SLC38A2: variants seen among roughly 807,000 people sequenced by gnomAD.
SLC38A2 encodes the protein sodium-coupled neutral amino acid symporter 2.
In SLC38A2, 11 loss-of-function variants were observed where a neutral mutation model predicts 61.5. The ratio of observed to expected loss-of-function variants is 0.18; its 90% confidence interval spans 0.11 to 0.30. SLC38A2 has a LOEUF of 0.30. SLC38A2 is among the 10% of genes least tolerant of loss of function. The pLI is 1.00. For synonymous variants in SLC38A2, 217 were observed against 212.5 expected, an observed-to-expected ratio of 1.02 and a Z score of -0.18; for missense variants, 522 against 600.4, an observed-to-expected ratio of 0.87 and a Z score of 1.36.
At position 46,360,835 on chromosome 12, in the gene SLC38A2, G is replaced by A; in HGVS notation, c.*276C>T. On this transcript the variant is annotated 3_prime_UTR_variant, in exon 16 of 16. Transcript: ENST00000256689. ...AAGCATGTGGCTTGATAAAAGTTAAGAGTTTGTCCATTCTCTGGAATGGAA... is the reference window on the plus strand; with the variant it reads ...AAGCATGTGGCTTGATAAAAGTTAAAAGTTTGTCCATTCTCTGGAATGGAA... 1 of 372,470 alleles carries A rather than the reference G, an allele frequency of 2.7e-6. No individual in the cohort carries two copies. The highest frequency in any genetic ancestry group is 4.8e-6 in the Non-Finnish European group (1 of 207,818). The allele number at this position is 372,470 out of a possible 1,614,324, so 23.1% of individuals were successfully genotyped here. A position where few individuals can be genotyped will look rare whatever the true frequency, so the allele number is the denominator to read the frequency against.
rs1943045589 is a variant in SLC38A2, at chr12:46,358,492, T to C, written c.*2619A>G. ...TTTGTACCAAGATTTCATGAAAAAA[T>C]TTGATGTTGTTTATTGCAAATACAA... On this transcript the variant is annotated 3_prime_UTR_variant, in exon 16 of 16. Coordinates refer to ENST00000256689, the MANE Select transcript of SLC38A2 (RefSeq NM_018976.5). 1 of 152,614 alleles carries C rather than the reference T, an allele frequency of 6.6e-6. No homozygotes were observed. Among genetic ancestry groups the C allele is most frequent in the African/African-American group, 2.4e-5 (1 of 41,454 alleles). 9.5% of individuals were successfully genotyped at this position (152,614 alleles called of 1,614,324 possible).
Position 46,372,705 on chromosome 12 carries a change from T to A in SLC38A2, c.-283A>T. The A allele has an allele frequency of 2.5e-6, 1 of 398,478 alleles. No individual in the cohort carries two copies. Among genetic ancestry groups the A allele is most frequent in the Non-Finnish European group, 4.4e-6 (1 of 225,952 alleles). 24.7% of individuals were successfully genotyped at this position (398,478 alleles called of 1,614,324 possible). A position where few individuals can be genotyped will look rare whatever the true frequency, so the allele number is the denominator to read the frequency against. On this transcript the variant is annotated 5_prime_UTR_variant, in exon 1 of 16. Transcript: ENST00000256689. ...TCAAGGGAAAGGCGCGAGCGTGCGG[T>A]AACGCGTGGTCGGGCTGCTGCTAGC...
Position 46,372,518 on chromosome 12 carries a change from C to T in SLC38A2, c.-96G>A. On this transcript the variant is annotated 5_prime_UTR_variant, in exon 1 of 16. Coordinates refer to ENST00000256689, the MANE Select transcript of SLC38A2 (RefSeq NM_018976.5). ...CCCCCGCACGCGTTACCTCGGTGGTCTCTATTCTCACGCAGACGTCTTCAG... is the reference window on the plus strand; with the variant it reads ...CCCCCGCACGCGTTACCTCGGTGGTTTCTATTCTCACGCAGACGTCTTCAG... The T allele has an allele frequency of 2.7e-6, 1 of 374,204 alleles. No homozygotes were observed. The highest frequency in any genetic ancestry group is 4.7e-6 in the Non-Finnish European group (1 of 211,794). The allele number at this position is 374,204 out of a possible 1,614,324, so 23.2% of individuals were successfully genotyped here.
intron 12 of SLC38A2, among the ~76,000 whole-genome samples, 194 bp downstream of exon 12, chr12:46,363,532 T>G (rs1943106081): frequency 6.6e-6 from 1 of 152,078 alleles, no homozygotes; most frequent in Non-Finnish European, 1.5e-5. Context: ...CAAACCTGGA[T>G]TCTAGAAATT....
intron 1 of SLC38A2, among the ~76,000 whole-genome samples, chr12:46,372,147 GC>G (rs1943210458): frequency 6.6e-6 from 1 of 151,968 alleles, no homozygotes; most frequent in African/African-American, 2.4e-5. Flanking sequence ...CACCTCCGCC[GC>G]CCCCAGATTC....
intron 13 of SLC38A2, 136 bp from the exon 14 acceptor site, chr12:46,362,774 G>A: frequency 9.4e-7 from 1 of 1,068,682 alleles, no homozygotes; most frequent in South Asian, 1.7e-5. Context: ...AAATAAAACT[G>A]TGCCTCTTTC....
At chr12:46,371,856 C>T (rs1297601258) in intron 1 of SLC38A2, among the ~76,000 whole-genome samples, 6 of 152,230 alleles carry the variant, frequency 3.9e-5, no homozygotes, top group African/African-American at 1.4e-4. Context: ...GGAGAAATGC[C>T]TCTGCCGCAG....
intron 4 of SLC38A2, among the ~76,000 whole-genome samples, chr12:46,368,042 G>A (rs1319745998): frequency 6.6e-6 from 1 of 152,118 alleles, no homozygotes; most frequent in Non-Finnish European, 1.5e-5. Context: ...GGCTGAGGTG[G>A]GGGTATCACT....
chr12:46,371,314 G>A lies in SLC38A2; in HGVS notation c.-21C>T, dbSNP rs1470177705. ...TTCATGCTAAGCACTGGGAGGAATC[G>A]GGTGCAGCTAGTAGCGCTGGGCTCC... On this transcript the variant is annotated 5_prime_UTR_variant, in exon 2 of 16. Transcript: ENST00000256689. 4 of 1,593,736 alleles carry A rather than the reference G, an allele frequency of 2.5e-6. No homozygotes were observed. The highest frequency in any genetic ancestry group is 3.4e-6 in the Non-Finnish European group (4 of 1,161,614).
In SLC38A2 at chr12:46,370,873, A is replaced by G. The variant is rs748419229; in HGVS notation, c.117-16T>C. On this transcript the variant is annotated splice_polypyrimidine_tract_variant and intron_variant, in intron 2 of 15. Coordinates refer to ENST00000256689, the MANE Select transcript of SLC38A2 (RefSeq NM_018976.5). ...TGCATAATGGCTGCAAAAAATATAG[A>G]CATATATAATTGTAAACTGGATTGA... is the stretch of plus-strand genomic sequence containing the variant. 1.7e-5 allele frequency: 27 copies of G among 1,580,818 alleles called. No homozygotes were observed. The Admixed American group carries it at 2.5e-4, about 15-fold the overall frequency.
Position 46,362,158 on chromosome 12 carries a change from C to T in SLC38A2, c.1422+126G>A, listed in dbSNP as rs553216184. The T allele has an allele frequency of 2.1e-4, 161 of 763,212 alleles. 3 individuals are homozygous for T. In the South Asian group the frequency reaches 3.3e-3, roughly 16 times the overall value. The allele number at this position is 763,212 out of a possible 1,614,324, so 47.3% of individuals were successfully genotyped here. ...CTTCCATCTGTGAAGTATACCATTA[C>T]AGAAATGTTTGCTGGAAACTTAAAA... is the stretch of plus-strand genomic sequence containing the variant. On this transcript the variant is annotated intron_variant, in intron 15 of 15. Coordinates refer to ENST00000256689, the MANE Select transcript of SLC38A2 (RefSeq NM_018976.5).
At chr12:46,361,936 T>C (rs1943085858) in intron 15 of SLC38A2, 2 of 181,906 alleles carry the variant, frequency 1.1e-5, no homozygotes, top group South Asian at 2.6e-4. Context: ...TTCCTTCTCT[T>C]TTATATATTC....
chr12:46,363,244 CA>C, intron 12 of SLC38A2, 99 bp from the exon 13 acceptor site: 1 of 1,310,936 alleles, frequency 7.6e-7, no homozygotes, highest in African/African-American at 1.5e-5. Flanking sequence ...TAGCTACTCA[CA>C]AAACGACTAT....
chr12:46,362,148 T>C, intron 15 of SLC38A2, 136 bp downstream of exon 15: 1 of 676,342 alleles, frequency 1.5e-6, no homozygotes, highest in South Asian at 2.3e-5. Flanking sequence ...ATCTGTGAAG[T>C]ATACCATTAC....
rs368433627 is a variant in SLC38A2, at chr12:46,370,759, T to C, written c.198+17A>G. The C allele has an allele frequency of 5.0e-6, 8 of 1,593,054 alleles. No homozygotes were observed. Among genetic ancestry groups the C allele is most frequent in the Non-Finnish European group, 6.9e-6 (8 of 1,163,312 alleles). Reference sequence around the variant, plus strand: ...TCCATAAAGCCACTGACAGACAAATTACTATTTTTAACTTACAAATTCTGT... The same window carrying C: ...TCCATAAAGCCACTGACAGACAAATCACTATTTTTAACTTACAAATTCTGT... On this transcript the variant is annotated intron_variant, in intron 3 of 15. Transcript: ENST00000256689.
chr12:46,365,166 T>C lies in SLC38A2; in HGVS notation c.587A>G (p.Tyr196Cys), dbSNP rs1565828308. ...CACCAATGACACCAACAGAACCAAA[T>C]AGTTCCCGTTCAGATACCACAATCT... ...KTGLWYLNGN[Y>C]LVLLVSLVVI... Residue 196 changes from tyrosine to cysteine, a missense_variant, in exon 8 of 16, where the codon TAT becomes TGT. Around this residue, in one of 3 missense-constraint regions of SLC38A2, gnomAD observed 111 missense variants for 173.4 expected, o/e 0.64. Coordinates refer to ENST00000256689, the MANE Select transcript of SLC38A2 (RefSeq NM_018976.5). The C allele has an allele frequency of 2.5e-6, 4 of 1,613,400 alleles. No individual in the cohort carries two copies. The highest frequency in any genetic ancestry group is 2.2e-5 in the East Asian group (1 of 44,842).
chr12:46,364,002 G>C lies in SLC38A2; in HGVS notation c.875C>G (p.Thr292Ser). ...GATCAGAATTGGCACAGCATAGACAGTCTGAAAGAAAACGTAAAAATCTAC... is the reference window on the plus strand; with the variant it reads ...GATCAGAATTGGCACAGCATAGACACTCTGAAAGAAAACGTAAAAATCTAC... ...RPHYFIFNSQ[T>S]VYAVPILIFS... Residue 292 changes from threonine (T) to serine (S), a missense_variant and splice_region_variant, in exon 11 of 16, where the codon ACT (threonine) becomes AGT (serine). Around this residue, in one of 3 missense-constraint regions of SLC38A2, gnomAD observed 309 missense variants for 343.9 expected, o/e 0.90. Transcript: ENST00000256689. 1 of 1,600,864 alleles carries C rather than the reference G, an allele frequency of 6.2e-7. No individual in the cohort carries two copies. Among genetic ancestry groups the C allele is most frequent in the Non-Finnish European group, 8.5e-7 (1 of 1,175,178 alleles).
At chr12:46,372,413 G>T in intron 1 of SLC38A2, 96 bp downstream of exon 1, 1 of 329,942 alleles carries the variant, frequency 3.0e-6, no homozygotes, top group Non-Finnish European at 5.5e-6. Context: ...AACGGACCCC[G>T]CGGCCGCCTT....
In SLC38A2 at chr12:46,363,825, G is replaced by A. The variant is rs769642919; in HGVS notation, c.955C>T (p.Arg319Cys). Residue 319 changes from arginine to cysteine, a missense_variant and splice_region_variant, in exon 12 of 16, where the codon CGC becomes TGC. By Grantham distance (180) the Arg-to-Cys change is radical. Around this residue, in one of 3 missense-constraint regions of SLC38A2, gnomAD observed 309 missense variants for 343.9 expected, o/e 0.90. Transcript: ENST00000256689. ...VLPIYEELKD[R>C]SRRRMMNVSK... ...ACATTCATCATTCTTCTACGGCTGC[G>A]GCTATGTAATTCAAGAGAAAATTCA... 16 of 1,589,978 alleles carry A rather than the reference G, an allele frequency of 1.0e-5. No individual in the cohort carries two copies. The Admixed American group carries it at 1.5e-4, about 15-fold the overall frequency.
Sources: allele counts gnomAD v4.1 joint callset (sites outside exome capture counted in the v4.1 genomes callset), GRCh38; gene constraint gnomAD v4.1.1; regional missense constraint gnomAD v4.1.1; transcripts MANE v1.5; gene names NCBI Gene and HGNC (gene_info 2026-07-23, HGNC 2026-07-21).